The following C12orf50 variants were observed in gnomAD, a reference collection of about 807,000 sequenced individuals.
C12orf50 encodes the protein zinc finger CCCH-type containing 11D.
Under a neutral mutation model 61.6 loss-of-function variants are expected in C12orf50, and 35 were observed. That is an observed-to-expected ratio of 0.57 (90% CI 0.43 to 0.75). C12orf50 has a LOEUF of 0.75. C12orf50 is among the 30% of genes least tolerant of loss of function. The probability of loss-of-function intolerance (pLI) is 0.00; values close to 1 mark genes in which losing one functional copy is unlikely to be tolerated. For synonymous variants in C12orf50, 178 were observed against 161.5 expected (o/e 1.10, Z -0.77); for missense variants, 475 against 488.5 (o/e 0.97, Z 0.26).
At chr12:88,015,714 T>G (rs1477418866) in intron 3 of C12orf50, among the ~76,000 whole-genome samples, 6 of 152,212 alleles carry the variant, frequency 3.9e-5, no homozygotes, top group East Asian at 1.9e-4. Flanking sequence ...ATGGTAAATA[T>G]TAACAGAATT....
chr12:87,997,183 T>C (rs1157135142), intron 4 of C12orf50, among the ~76,000 whole-genome samples: 1 of 152,140 alleles, frequency 6.6e-6, no homozygotes, highest in Non-Finnish European at 1.5e-5. Flanking sequence ...GTTCATACTC[T>C]TGTGAGGATG....
At chr12:87,990,805 GAAC>G (rs992353580) in intron 7 of C12orf50, among the ~76,000 whole-genome samples, 2 of 152,028 alleles carry the variant, frequency 1.3e-5, no homozygotes, top group African/African-American at 4.8e-5. Context: ...GAAAAAAGAA[GAAC>G]AACAAAGAAG....
intron 1 of C12orf50, 82 bp from the exon 2 acceptor site, chr12:88,027,152 C>T (rs188125217): frequency 3.1e-4 from 423 of 1,351,782 alleles, no homozygotes; most frequent in East Asian, 2.6e-3. Flanking sequence ...ATTAGTTAAA[C>T]GAAATATGAG....
At chr12:87,986,444 T>A (rs755465075) in intron 9 of C12orf50, 28 bp from the exon 10 acceptor site, 17 of 1,492,920 alleles carry the variant, frequency 1.1e-5, no homozygotes, top group Non-Finnish European at 1.6e-5. Context: ...TTTTACAATT[T>A]TTTAAGAGAT....
At position 88,026,569 on chromosome 12, in the gene C12orf50, G is replaced by C. The variant is rs1330571264; in HGVS notation, c.52C>G (p.Leu18Val). Residue 18 changes from leucine (L) to valine (V), a missense_variant, in exon 3 of 13, where the codon CTT becomes GTT. Coordinates refer to ENST00000298699, the MANE Select transcript of C12orf50 (RefSeq NM_152589.3). Reference protein sequence around the residue: ...SISCFWETQPLGCVKISCIFY... With the variant: ...SISCFWETQPVGCVKISCIFY... ...ATACAGCTGATCTTCACACAACCAA[G>C]AGGCTGAGTTTCCCAGAAGCATGAA... 1 of 1,613,852 alleles carries C rather than the reference G, an allele frequency of 6.2e-7. No individual in the cohort carries two copies. The highest frequency in any genetic ancestry group is 1.1e-5 in the South Asian group (1 of 91,078).
chr12:88,025,721 A>C (rs1413733028), intron 3 of C12orf50, among the ~76,000 whole-genome samples: 1 of 152,230 alleles, frequency 6.6e-6, no homozygotes, highest in East Asian at 1.9e-4. Flanking sequence ...CCTGGGTGAC[A>C]GAGCGAGACT....
chr12:88,029,010 C>T, intron 1 of C12orf50: 1 of 1,002,264 alleles, frequency 1.0e-6, no homozygotes, highest in Non-Finnish European at 1.3e-6. Context: ...CCATATCTCC[C>T]TTCATTCTAC....
intron 3 of C12orf50, among the ~76,000 whole-genome samples, chr12:88,011,435 C>T (rs1426041386): frequency 6.6e-6 from 1 of 152,160 alleles, no homozygotes; most frequent in Non-Finnish European, 1.5e-5. Flanking sequence ...ACACTGATTA[C>T]TCACTCTTTG....
intron 3 of C12orf50, among the ~76,000 whole-genome samples, chr12:88,025,489 T>G (rs778891980): frequency 6.6e-6 from 1 of 152,146 alleles, no homozygotes; most frequent in Non-Finnish European, 1.5e-5. Context: ...GGGAGTACCA[T>G]GTAGTGTTAT....
chr12:87,982,993 T>A (rs926866627), intron 12 of C12orf50, 110 bp downstream of exon 12: 3 of 555,852 alleles, frequency 5.4e-6, no homozygotes, highest in Non-Finnish European at 9.3e-6. Context: ...TGTGCATGTA[T>A]ATCTTGAAAT....
At chr12:87,987,813 T>C (rs772037077) in intron 9 of C12orf50, 37 bp downstream of exon 9, 17 of 1,325,712 alleles carry the variant, frequency 1.3e-5, no homozygotes, top group Non-Finnish European at 1.7e-5. Flanking sequence ...AAGACAAATA[T>C]ATCTGAGGCC....
chr12:87,980,582 C>T (rs749259136), intron 12 of C12orf50, among the ~76,000 whole-genome samples: 3 of 151,948 alleles, frequency 2.0e-5, no homozygotes, highest in Non-Finnish European at 4.4e-5. Flanking sequence ...GAAGTGACAC[C>T]GTATATAAGG....
intron 11 of C12orf50, chr12:87,985,580 C>T (rs574902714): frequency 1.7e-5 from 8 of 476,456 alleles, no homozygotes; most frequent in African/African-American, 1.4e-4. Flanking sequence ...TGAAGCTGTC[C>T]TGGAGGAACA....
intron 3 of C12orf50, among the ~76,000 whole-genome samples, chr12:88,024,636 G>A (rs2032636061): frequency 6.6e-6 from 1 of 152,130 alleles, no homozygotes; most frequent in African/African-American, 2.4e-5. Context: ...GCTGGTAGAA[G>A]GGAGAGGATC....
At chr12:87,995,827 C>T (rs539380509) in intron 6 of C12orf50, among the ~76,000 whole-genome samples, 13 of 152,286 alleles carry the variant, frequency 8.5e-5, no homozygotes, top group African/African-American at 2.6e-4. Flanking sequence ...ACAAAACAGA[C>T]TTGCACAACA....
chr12:88,005,956 G>A (rs185380638), intron 3 of C12orf50, among the ~76,000 whole-genome samples: 5,551 of 130,076 alleles, frequency 0.043, 334 homozygotes, highest in African/African-American at 0.15. Context: ...TTGCTCAGTC[G>A]CCCAGGCTGG....
chr12:87,992,416 T>C (rs753869148), intron 7 of C12orf50, among the ~76,000 whole-genome samples: 1 of 152,088 alleles, frequency 6.6e-6, no homozygotes, highest in Non-Finnish European at 1.5e-5. Context: ...ATATATATAC[T>C]ATATACATAG....
At chr12:88,006,196 G>A (rs772850421) in intron 3 of C12orf50, among the ~76,000 whole-genome samples, 15 of 152,036 alleles carry the variant, frequency 9.9e-5, no homozygotes, top group Non-Finnish European at 8.8e-5. Flanking sequence ...GATTACAGGC[G>A]TGAGCCACCG....
upstream of C12orf50, among the ~76,000 whole-genome samples, chr12:88,029,738 T>C (rs2032829781): frequency 6.6e-6 from 1 of 152,166 alleles, no homozygotes; most frequent in Non-Finnish European, 1.5e-5. Context: ...GTAAATGAGC[T>C]ACTCATATTC....
Sources: allele counts gnomAD v4.1 joint callset (sites outside exome capture counted in the v4.1 genomes callset), GRCh38; gene constraint gnomAD v4.1.1; transcripts MANE v1.5; gene names NCBI Gene and HGNC (gene_info 2026-07-23, HGNC 2026-07-21).